Variants in SACM1L observed in about 807,000 individuals in gnomAD.
SACM1L encodes the protein phosphatidylinositol-3-phosphatase SAC1.
In SACM1L, 32 loss-of-function variants were observed where a neutral mutation model predicts 89.5. That is an observed-to-expected ratio of 0.36 (90% CI 0.27 to 0.48). The LOEUF is 0.48. Among genes scored for constraint, SACM1L ranks in the 20% least tolerant of loss-of-function variants. The pLI is 0.99. For synonymous variants in SACM1L, 213 were observed against 232.8 expected, an observed-to-expected ratio of 0.92 and a Z score of 0.77; for missense variants, 543 against 708.5, an observed-to-expected ratio of 0.77 and a Z score of 2.65.
At chr3:45,694,174 C>CT (rs1046209505) in intron 1 of SACM1L, among the ~76,000 whole-genome samples, 109 of 151,554 alleles carry the variant, frequency 7.2e-4, no homozygotes, top group African/African-American at 2.3e-3. Context: ...ATTTTTTCTT[C>CT]TTTTTTTTTC....
chr3:45,710,518 T>TTA (rs1553652064), intron 5 of SACM1L, among the ~76,000 whole-genome samples: 1 of 139,496 alleles, frequency 7.2e-6, no homozygotes, highest in Non-Finnish European at 1.6e-5. Context: ...TTTTTTTTTT[T>TTA]AATATACAGT....
rs1352002917 is a variant in SACM1L at position 45,706,765 on chromosome 3, G to C, written c.206-15G>C. The C allele has an allele frequency of 6.3e-7, 1 of 1,583,152 alleles. No homozygotes were observed. Among genetic ancestry groups the C allele is most frequent in the East Asian group, 2.3e-5 (1 of 44,432 alleles). On this transcript the variant is annotated splice_polypyrimidine_tract_variant and intron_variant, in intron 3 of 19. Transcript: ENST00000389061. ...CTATTTTTATAATTATGTGTGTTTG[G>C]CTTGCTTTTTGCAGGTAATTATCTT... is the stretch of plus-strand genomic sequence containing the variant.
intron 1 of SACM1L, among the ~76,000 whole-genome samples, chr3:45,697,573 A>G (rs571636672): frequency 1.2e-3 from 182 of 152,290 alleles, no homozygotes; most frequent in Non-Finnish European, 2.0e-3. Context: ...ACTGTATCCA[A>G]CCACTTTTTC....
At chr3:45,710,782 C>CT (rs940689730) in intron 5 of SACM1L, among the ~76,000 whole-genome samples, 1 of 151,956 alleles carries the variant, frequency 6.6e-6, no homozygotes, top group Non-Finnish European at 1.5e-5. Flanking sequence ...AGTTGACTGG[C>CT]TTTTTTGGGT....
chr3:45,706,642 T>G, intron 3 of SACM1L, 138 bp from the exon 4 acceptor site: 2 of 551,856 alleles, frequency 3.6e-6, no homozygotes, highest in Non-Finnish European at 5.9e-6. Flanking sequence ...TAAGGTTGCT[T>G]TAAAAATGGG....
intron 13 of SACM1L, 131 bp from the exon 14 acceptor site, chr3:45,735,104 A>C (rs947183199): frequency 1.0e-4 from 90 of 881,968 alleles, no homozygotes; most frequent in Non-Finnish European, 1.3e-4. Flanking sequence ...GCCTGACCAC[A>C]CATTCCTGTC....
intron 9 of SACM1L, 124 bp from the exon 10 acceptor site, chr3:45,722,745 T>G: frequency 1.6e-6 from 1 of 619,138 alleles, no homozygotes; most frequent in Non-Finnish European, 2.8e-6. Flanking sequence ...CTTTTAAAGT[T>G]GTCGGTAGAT....
Position 45,699,614 on chromosome 3 carries a change from A to G in SACM1L, c.33-3824A>G, listed in dbSNP as rs192654383. Among the ~76,000 whole-genome samples, 277 of 152,196 alleles carry G rather than the reference A, an allele frequency of 1.8e-3. 3 individuals are homozygous for G. The highest frequency in any genetic ancestry group is 3.4e-3 in the Middle Eastern group (1 of 294). On this transcript the variant is annotated intron_variant, in intron 1 of 19. Coordinates refer to ENST00000389061, the MANE Select transcript of SACM1L (RefSeq NM_014016.5). ...ATGATCTTGGCTCACTGCCACCTCCATCTCCTGGGTTCAGGCAATTCTCCT... is the reference window on the plus strand; with the variant it reads ...ATGATCTTGGCTCACTGCCACCTCCGTCTCCTGGGTTCAGGCAATTCTCCT...
At chr3:45,722,516 A>G (rs930418478) in intron 9 of SACM1L, among the ~76,000 whole-genome samples, 1 of 152,206 alleles carries the variant, frequency 6.6e-6, no homozygotes, top group Non-Finnish European at 1.5e-5. Flanking sequence ...TATGTTCATA[A>G]ACATATTCAT....
At chr3:45,691,444 A>G (rs1697985057) in intron 1 of SACM1L, among the ~76,000 whole-genome samples, 1 of 152,098 alleles carries the variant, frequency 6.6e-6, no homozygotes, top group South Asian at 2.1e-4. Flanking sequence ...TAGAAGTGAA[A>G]TTGGTTTCTG....
chr3:45,689,507 A>T lies in SACM1L; in HGVS notation c.32+10A>T. ...ACGAGCAGCTGAAGCTGTGAGTCCCACGGGCCAGAGGCCTGAGGCGCGGCG... is the reference window on the plus strand; with the variant it reads ...ACGAGCAGCTGAAGCTGTGAGTCCCTCGGGCCAGAGGCCTGAGGCGCGGCG... On this transcript the variant is annotated intron_variant, in intron 1 of 19. Transcript: ENST00000389061. The T allele has an allele frequency of 1.3e-6, 2 of 1,575,188 alleles. No individual in the cohort carries two copies. The highest frequency in any genetic ancestry group is 1.7e-4 in the Middle Eastern group (1 of 5,954).
At position 45,703,500 on chromosome 3, in the gene SACM1L, C is replaced by A. The variant is rs374190458; in HGVS notation, c.95C>A (p.Thr32Asn). ...GATGATGGAGCAGATGACGTACTTA[C>A]CATTGACCGTGTGTCCACAGAGGTT... ...ACDDGADDVL[T>N]IDRVSTEVTL... Residue 32 changes from threonine (T) to asparagine (N), a missense_variant, in exon 2 of 20, where the codon ACC becomes AAC. Transcript: ENST00000389061. 6.2e-7 allele frequency: 1 copy of A among 1,613,110 alleles called. No individual in the cohort carries two copies. Among genetic ancestry groups the A allele is most frequent in the Non-Finnish European group, 8.5e-7 (1 of 1,179,298 alleles).
At chr3:45,719,650 T>A (rs761278404) in intron 8 of SACM1L, 49 bp downstream of exon 8, 3 of 1,080,112 alleles carry the variant, frequency 2.8e-6, no homozygotes, top group Non-Finnish European at 4.1e-6. Context: ...TATTTTGTCT[T>A]ACGGTGACAC....
At chr3:45,728,030 A>G (rs1181229999) in intron 11 of SACM1L, among the ~76,000 whole-genome samples, 1 of 152,238 alleles carries the variant, frequency 6.6e-6, no homozygotes, top group Non-Finnish European at 1.5e-5. Context: ...TTTAATCAAT[A>G]AACAATGTTC....
intron 1 of SACM1L, among the ~76,000 whole-genome samples, chr3:45,692,251 G>C (rs1698012039): frequency 1.3e-5 from 2 of 151,892 alleles, no homozygotes; most frequent in Admixed American, 1.3e-4. Flanking sequence ...CTTCTGAATT[G>C]GTGTTTCAGT....
chr3:45,691,211 C>T (rs974650996), intron 1 of SACM1L, among the ~76,000 whole-genome samples: 23 of 152,152 alleles, frequency 1.5e-4, no homozygotes, highest in Non-Finnish European at 2.8e-4. Context: ...AAGTCATTCT[C>T]TCATTTGTCA....
rs1188181887 is a variant in SACM1L, at chr3:45,689,440, G to T, written c.-26G>T. ...CGGCGCGGGGCGGGGCGGGCGGAGA[G>T]AGAAGGAAGGAGGTGGTTGTGCAGG... On this transcript the variant is annotated 5_prime_UTR_variant, in exon 1 of 20. Transcript: ENST00000389061. 6.4e-7 allele frequency: 1 copy of T among 1,557,142 alleles called. No individual in the cohort carries two copies.
chr3:45,696,143 G>A (rs963773810), intron 1 of SACM1L, among the ~76,000 whole-genome samples: 2 of 151,882 alleles, frequency 1.3e-5, no homozygotes, highest in Non-Finnish European at 2.9e-5. Context: ...GATTTCAGGT[G>A]CCTGCCACCA....
chr3:45,743,623 A>T lies in SACM1L; in HGVS notation c.1718A>T (p.Asp573Val). 6.2e-7 allele frequency: 1 copy of T among 1,614,098 alleles called. No individual in the cohort carries two copies. The highest frequency in any genetic ancestry group is 1.3e-5 in the African/African-American group (1 of 75,050). Residue 573 changes from aspartate (D) to valine (V), a missense_variant, in exon 20 of 20, where the codon GAT (aspartate) becomes GTT (valine). This residue lies in a region of SACM1L where 370 missense variants were observed against 527.6 expected (regional missense o/e 0.70). Coordinates refer to ENST00000389061, the MANE Select transcript of SACM1L (RefSeq NM_014016.5). ...TFFIILYNGK[D>V]FVDAPRLVQK... is the part of the protein sequence containing the mutation. ...TTTATCATTCTTTACAATGGCAAAG[A>T]TTTTGTCGATGCTCCCAGACTGGTC... is the stretch of plus-strand genomic sequence containing the variant.
Sources: allele counts gnomAD v4.1 joint callset (sites outside exome capture counted in the v4.1 genomes callset), GRCh38; gene constraint gnomAD v4.1.1; regional missense constraint gnomAD v4.1.1; transcripts MANE v1.5; gene names NCBI Gene and HGNC (gene_info 2026-07-23, HGNC 2026-07-21).